The following ADGRL4 variants were observed in gnomAD, a reference collection of about 807,000 sequenced individuals.
ADGRL4 encodes adhesion G protein-coupled receptor L4.
In ADGRL4, 90 loss-of-function variants were observed where a neutral mutation model predicts 74.8. The observed-to-expected ratio is 1.20, with a 90% confidence interval of 1.02 to 1.43. The LOEUF (loss-of-function observed/expected upper bound fraction) is 1.43. Among genes scored for constraint, ADGRL4 ranks in the 40% most tolerant of loss-of-function variants. ADGRL4 has a pLI of 0.00. For missense variants in ADGRL4, 881 were observed against 814.3 expected, an observed-to-expected ratio of 1.08 and a Z score of -1.00; for synonymous variants, 311 against 279.2, an observed-to-expected ratio of 1.11 and a Z score of -1.14.
intron 2 of ADGRL4, among the ~76,000 whole-genome samples, chr1:78,958,081 T>C (rs1169929958): frequency 6.6e-6 from 1 of 151,854 alleles, no homozygotes; most frequent in African/African-American, 2.4e-5. Context: ...GTTAAGCCCA[T>C]TGTTAAAAAA....
intron 12 of ADGRL4, among the ~76,000 whole-genome samples, chr1:78,904,963 A>T (rs1433796641): frequency 6.6e-6 from 1 of 152,076 alleles, no homozygotes; most frequent in Non-Finnish European, 1.5e-5. Flanking sequence ...ATTTGAAGTG[A>T]CCAAAACTAC....
At chr1:78,990,550 AAAG>A (rs1650587199) in intron 2 of ADGRL4, among the ~76,000 whole-genome samples, 1 of 151,952 alleles carries the variant, frequency 6.6e-6, no homozygotes, top group South Asian at 2.1e-4. Context: ...GATTTTTTTC[AAAG>A]GAGAAGTATA....
intron 7 of ADGRL4, 46 bp downstream of exon 7, chr1:78,936,249 T>C: frequency 1.3e-6 from 2 of 1,554,844 alleles, no homozygotes; most frequent in Non-Finnish European, 1.7e-6. Flanking sequence ...TAAATATTTA[T>C]TGCAAATTCA....
intron 2 of ADGRL4, among the ~76,000 whole-genome samples, chr1:78,959,046 C>T (rs1649889874): frequency 6.6e-6 from 1 of 152,154 alleles, no homozygotes; most frequent in Non-Finnish European, 1.5e-5. Flanking sequence ...AATTAAAGTA[C>T]ATACATTGTT....
Position 78,925,912 on chromosome 1 carries a change from C to T in ADGRL4, c.1083+974G>A, listed in dbSNP as rs566813776. Among the ~76,000 whole-genome samples the T allele has an allele frequency of 3.9e-5, 6 of 152,134 alleles. No individual in the cohort carries two copies. In the East Asian group the frequency reaches 1.2e-3, roughly 29 times the overall value. On this transcript the variant is annotated intron_variant, in intron 8 of 14. Coordinates refer to ENST00000370742, the MANE Select transcript of ADGRL4 (RefSeq NM_022159.4). Reference sequence around the variant, plus strand: ...TTTCTAGTATTAAAAACGTCTTTTGCATTTAGCATCTAAAAAAGAAGTCTA... The same window carrying T: ...TTTCTAGTATTAAAAACGTCTTTTGTATTTAGCATCTAAAAAAGAAGTCTA...
At chr1:78,962,129 C>T (rs955069754) in intron 2 of ADGRL4, among the ~76,000 whole-genome samples, 2 of 152,140 alleles carry the variant, frequency 1.3e-5, no homozygotes, top group African/African-American at 2.4e-5. Flanking sequence ...GATCCACTCA[C>T]CTCAGTCTCC....
chr1:78,997,590 T>G (rs189802357), intron 2 of ADGRL4, among the ~76,000 whole-genome samples: 3 of 152,312 alleles, frequency 2.0e-5, no homozygotes, highest in Admixed American at 6.5e-5. Flanking sequence ...TGTAATTGTT[T>G]GGATGCAAAA....
At chr1:78,920,514 A>G in intron 9 of ADGRL4, 128 bp from the exon 10 acceptor site, 1 of 652,140 alleles carries the variant, frequency 1.5e-6, no homozygotes, top group East Asian at 2.8e-5. Flanking sequence ...GTAAAAATAT[A>G]AATGTGCATT....
intron 2 of ADGRL4, among the ~76,000 whole-genome samples, chr1:78,992,174 C>T (rs1450770783): frequency 6.6e-6 from 1 of 151,928 alleles, no homozygotes; most frequent in East Asian, 1.9e-4. Context: ...CCTTTCATGG[C>T]AAATAAAGGA....
At position 78,937,919 on chromosome 1, in the gene ADGRL4, A is replaced by G; in HGVS notation, c.648T>C (p.Asn216=). The change falls in exon 6 of 15, where the codon AAT becomes AAC. Residue 216 remains asparagine (N), a synonymous_variant. Coordinates refer to ENST00000370742, the MANE Select transcript of ADGRL4 (RefSeq NM_022159.4). Reference sequence around the variant, plus strand: ...GTTTTGTAAGATGTGTTCTCCTATGATTCACAGATAACTTGTCCCAAACTA... The same window carrying G: ...GTTTTGTAAGATGTGTTCTCCTATGGTTCACAGATAACTTGTCCCAAACTA... ...TFVVWDKLSV[N]HRRTHLTKLM... is the part of the protein sequence containing the mutation. 1 of 1,614,004 alleles carries G rather than the reference A, an allele frequency of 6.2e-7. No homozygotes were observed. Among genetic ancestry groups the G allele is most frequent in the Non-Finnish European group, 8.5e-7 (1 of 1,179,924 alleles).
intron 2 of ADGRL4, among the ~76,000 whole-genome samples, chr1:78,978,668 T>C (rs974419450): frequency 2.0e-5 from 3 of 151,954 alleles, no homozygotes; most frequent in African/African-American, 7.2e-5. Context: ...TACTTTCCCA[T>C]TGTTGAAATC....
chr1:78,906,674 A>G (rs2100659393), intron 12 of ADGRL4, among the ~76,000 whole-genome samples: 1 of 152,206 alleles, frequency 6.6e-6, no homozygotes, highest in African/African-American at 2.4e-5. Context: ...TACTTGCAAT[A>G]GAAAACAAGA....
intron 7 of ADGRL4, among the ~76,000 whole-genome samples, chr1:78,930,361 T>G (rs1367824324): frequency 6.6e-6 from 1 of 151,160 alleles, no homozygotes; most frequent in Non-Finnish European, 1.5e-5. Flanking sequence ...GGGTTTTTTC[T>G]AAATGCATTG....
chr1:78,995,358 A>C (rs1203610004), intron 2 of ADGRL4, among the ~76,000 whole-genome samples: 2 of 152,220 alleles, frequency 1.3e-5, no homozygotes, highest in African/African-American at 4.8e-5. Flanking sequence ...CGCTTCCTTT[A>C]TGTGCCAACT....
chr1:78,950,989 A>G (rs1211749368), intron 2 of ADGRL4, among the ~76,000 whole-genome samples: 1 of 152,150 alleles, frequency 6.6e-6, no homozygotes, highest in Non-Finnish European at 1.5e-5. Context: ...TCAACCATAC[A>G]GTCATGAATT....
intron 12 of ADGRL4, among the ~76,000 whole-genome samples, chr1:78,916,752 C>A (rs1648880485): frequency 6.6e-6 from 1 of 151,782 alleles, no homozygotes; most frequent in Admixed American, 6.6e-5. Context: ...AAAAAGATGG[C>A]TAGCTTACGG....
At chr1:78,968,962 A>C (rs1650115286) in intron 2 of ADGRL4, among the ~76,000 whole-genome samples, 1 of 152,234 alleles carries the variant, frequency 6.6e-6, no homozygotes, top group South Asian at 2.1e-4. Context: ...GAAATGTTCA[A>C]GAATATCAAG....
At chr1:78,920,124 T>C in intron 10 of ADGRL4, 59 bp downstream of exon 10, 1 of 1,258,808 alleles carries the variant, frequency 7.9e-7, no homozygotes, top group Non-Finnish European at 1.1e-6. Flanking sequence ...CTAGGACATA[T>C]ACATTTAAGA....
intron 12 of ADGRL4, among the ~76,000 whole-genome samples, chr1:78,897,471 C>T (rs940344365): frequency 5.3e-5 from 8 of 152,090 alleles, no homozygotes; most frequent in African/African-American, 1.7e-4. Flanking sequence ...CATGTTGTCT[C>T]TTCTCAGTAA....
Sources: allele counts gnomAD v4.1 joint callset (sites outside exome capture counted in the v4.1 genomes callset), GRCh38; gene constraint gnomAD v4.1.1; transcripts MANE v1.5; gene names NCBI Gene and HGNC (gene_info 2026-07-23, HGNC 2026-07-21).